PTPRN: variants seen among roughly 807,000 people sequenced by gnomAD.
PTPRN encodes the protein protein tyrosine phosphatase receptor type N.
In PTPRN, 70 loss-of-function variants were observed where a neutral mutation model predicts 108.5. The observed-to-expected ratio is 0.65, with a 90% CI of 0.53 to 0.79. The LOEUF (loss-of-function observed/expected upper bound fraction) is 0.79. Among genes scored for constraint, PTPRN ranks in the 30% least tolerant of loss-of-function variants. The pLI, the probability that PTPRN is intolerant of heterozygous loss-of-function variation, is 0.00. For synonymous variants in PTPRN, 496 were observed against 524.6 expected, an observed-to-expected ratio of 0.95 and a Z score of 0.75; for missense variants, 1,136 against 1,295.5, an observed-to-expected ratio of 0.88 and a Z score of 1.89.
chr2:219,297,861 C>A lies in PTPRN; in HGVS notation c.1887+24G>T. ...CCAGGCCCCTTGCATTTCCTTTGCT[C>A]AATCAGCTTCTGGGGCTGCACACCT... On this transcript the variant is annotated intron_variant, in intron 13 of 22. Coordinates refer to ENST00000295718, the MANE Select transcript of PTPRN (RefSeq NM_002846.4). The surrounding 1 kb of genome is among the most constrained non-coding windows in gnomAD (Gnocchi z 6.0). 6.3e-7 allele frequency: 1 copy of A among 1,581,132 alleles called. No homozygotes were observed. Among genetic ancestry groups the A allele is most frequent in the South Asian group, 1.1e-5 (1 of 87,218 alleles).
At chr2:219,294,256 G>A (rs1952119821) in intron 19 of PTPRN, 1 of 443,154 alleles carries the variant, frequency 2.3e-6, no homozygotes, top group Non-Finnish European at 4.7e-6. Context: ...GGAAAGACAG[G>A]CAGCGGGAGG....
Position 219,301,733 on chromosome 2 carries a change from G to A in PTPRN, c.995-14C>T, listed in dbSNP as rs757946818. On this transcript the variant is annotated splice_polypyrimidine_tract_variant and intron_variant, in intron 6 of 22. Transcript: ENST00000295718. ...GCAGAGCCGCATCTGCTGGGAGCCA[G>A]ACACAGAGCTTAGGGCTGATTGCGC... The A allele has an allele frequency of 3.1e-6, 5 of 1,603,354 alleles. No individual in the cohort carries two copies. Among genetic ancestry groups the A allele is most frequent in the Non-Finnish European group, 4.3e-6 (5 of 1,171,800 alleles).
chr2:219,296,116 G>A lies in PTPRN; in HGVS notation c.2508+110C>T, dbSNP rs1952187603. ...TGAATCATGAGCAGGGCCAATAAAA[G>A]CCTTTTTAAAAAGACTGTTGAGTGC... On this transcript the variant is annotated intron_variant, in intron 18 of 22. Transcript: ENST00000295718. The surrounding 1 kb of genome is among the most constrained non-coding windows in gnomAD (Gnocchi z 6.0). The A allele has an allele frequency of 4.0e-6, 6 of 1,482,716 alleles. No homozygotes were observed. Among genetic ancestry groups the A allele is most frequent in the Admixed American group, 3.8e-5 (2 of 53,316 alleles). The allele number at this position is 1,482,716 out of a possible 1,614,324, so 91.8% of individuals were successfully genotyped here. A position where few individuals can be genotyped will look rare whatever the true frequency, so the allele number is the denominator to read the frequency against.
intron 12 of PTPRN, among the ~76,000 whole-genome samples, chr2:219,298,454 A>G (rs1163223833): frequency 6.6e-6 from 1 of 152,230 alleles, no homozygotes; most frequent in Non-Finnish European, 1.5e-5. Context: ...CTGTAATCTC[A>G]GCACTTTGGG....
At chr2:219,301,148 C>G (rs993642694) in intron 7 of PTPRN, among the ~76,000 whole-genome samples, 171 bp from the exon 8 acceptor site, 1 of 152,204 alleles carries the variant, frequency 6.6e-6, no homozygotes, top group Admixed American at 6.5e-5. Flanking sequence ...GGCCTCATTC[C>G]TTTTTGCTTC....
chr2:219,296,003 C>CACACAA lies in PTPRN; in HGVS notation c.2508+222_2508+223insTTGTGT. 1.7e-6 allele frequency: 1 copy of CACACAA among 578,108 alleles called. No individual in the cohort carries two copies. The highest frequency in any genetic ancestry group is 2.9e-6 in the Non-Finnish European group (1 of 343,298). 35.8% of individuals were successfully genotyped at this position (578,108 alleles called of 1,614,324 possible). On this transcript the variant is annotated intron_variant, in intron 18 of 22. Coordinates refer to ENST00000295718, the MANE Select transcript of PTPRN (RefSeq NM_002846.4). The surrounding 1 kb of genome is among the most constrained non-coding windows in gnomAD (Gnocchi z 6.0). Reference sequence around the variant, plus strand: ...ACACACACACACACACACACACACACATGTATGTTCTGTAAACAGGACACA... The same window carrying CACACAA: ...ACACACACACACACACACACACACACACACAAATGTATGTTCTGTAAACAGGACACA...
rs1199221773 is a variant in PTPRN at position 219,290,910 on chromosome 2, C to T, written c.2730-20G>A. 1 of 1,610,638 alleles carries T rather than the reference C, an allele frequency of 6.2e-7. No homozygotes were observed. Among genetic ancestry groups the T allele is most frequent in the Non-Finnish European group, 8.5e-7 (1 of 1,177,106 alleles). On this transcript the variant is annotated intron_variant, in intron 20 of 22. Transcript: ENST00000295718. The surrounding 1 kb of genome is among the most constrained non-coding windows in gnomAD (Gnocchi z 4.2). Reference sequence around the variant, plus strand: ...CCATCACTGAAACAGGAGTTAGTGACAGGTTTAGCTTGAGATGCAGCAGAA... The same window carrying T: ...CCATCACTGAAACAGGAGTTAGTGATAGGTTTAGCTTGAGATGCAGCAGAA...
intron 19 of PTPRN, among the ~76,000 whole-genome samples, chr2:219,293,347 A>G (rs1415426497): frequency 1.3e-5 from 2 of 151,924 alleles, no homozygotes; most frequent in East Asian, 3.9e-4. Flanking sequence ...TGCCTGGCTA[A>G]TTTTTGTATT....
chr2:219,308,003 A>G, intron 1 of PTPRN, 161 bp from the exon 2 acceptor site: 1 of 667,770 alleles, frequency 1.5e-6, no homozygotes. Context: ...GAATTTCTTA[A>G]AAGGAAGCAT....
Position 219,297,450 on chromosome 2 carries a change from A to G in PTPRN, c.1888-17T>C. On this transcript the variant is annotated splice_polypyrimidine_tract_variant and intron_variant, in intron 13 of 22. Transcript: ENST00000295718. The surrounding 1 kb of genome is among the most constrained non-coding windows in gnomAD (Gnocchi z 6.0). ...GCACAGGTCCTGTGGAGGAAGAATC[A>G]GGTGAGGTCCAAGAGTCCCCTGAAA... The G allele has an allele frequency of 6.2e-7, 1 of 1,613,500 alleles. No homozygotes were observed. The highest frequency in any genetic ancestry group is 2.2e-5 in the East Asian group (1 of 44,868).
At chr2:219,294,889 A>C in intron 19 of PTPRN, 86 bp downstream of exon 19, 1 of 1,308,864 alleles carries the variant, frequency 7.6e-7, no homozygotes, top group Non-Finnish European at 9.9e-7. Flanking sequence ...TCCAGGCCCG[A>C]CCCGGGGCTC....
chr2:219,309,249 G>T lies in PTPRN; in HGVS notation c.84C>A (p.Arg28=), dbSNP rs1372220967. The change falls in exon 1 of 23, where the codon CGC becomes CGA. Residue 28 remains arginine, a synonymous_variant. Transcript: ENST00000295718. ...CACTAACGGCGCTGCAGCCCCCCGG[G>T]CGGCTGCTCAGCAGCAGGAGGCAGA... ...LLLCLLLLSS[R]PGGCSAVSAH... is the part of the protein sequence containing the mutation. 3.9e-6 allele frequency: 6 copies of T among 1,538,478 alleles called. No homozygotes were observed. Among genetic ancestry groups the T allele is most frequent in the Non-Finnish European group, 5.2e-6 (6 of 1,146,476 alleles).
chr2:219,307,495 A>G lies in PTPRN; in HGVS notation c.229T>C (p.Ser77Pro). ...GQARPLLQVT[S>P]PVLQRLQGVL... ...CCTTGTAAGCGTTGGAGAACTGGGG[A>G]GGTGACTTGCAAAAGGGGCCGGGCC... Residue 77 changes from serine to proline, a missense_variant, in exon 3 of 23, where the codon TCC (serine) becomes CCC (proline). Physicochemically the swap from Ser to Pro is moderately conservative, Grantham distance 74 (BLOSUM62 -1). Coordinates refer to ENST00000295718, the MANE Select transcript of PTPRN (RefSeq NM_002846.4). 1 of 1,614,076 alleles carries G rather than the reference A, an allele frequency of 6.2e-7. No homozygotes were observed. Among genetic ancestry groups the G allele is most frequent in the South Asian group, 1.1e-5 (1 of 91,078 alleles).
rs1952032722 is a variant in PTPRN, at chr2:219,290,659, G to C, written c.2795-48C>G. Reference sequence around the variant, plus strand: ...GGCTGCTCAGGGGGTGTCCAGAGGAGGACAGGACCCAGAAAACCTGAGGCC... The same window carrying C: ...GGCTGCTCAGGGGGTGTCCAGAGGACGACAGGACCCAGAAAACCTGAGGCC... On this transcript the variant is annotated intron_variant, in intron 21 of 22. Transcript: ENST00000295718. This position sits in a 1 kb window ranked among gnomAD's most constrained non-coding sequence, Gnocchi z 4.2. 6.6e-7 allele frequency: 1 copy of C among 1,524,330 alleles called. No homozygotes were observed. 94.4% of individuals were successfully genotyped at this position (1,524,330 alleles called of 1,614,324 possible). A position where few individuals can be genotyped will look rare whatever the true frequency, so the allele number is the denominator to read the frequency against.
chr2:219,299,678 C>G (rs924361838), intron 10 of PTPRN, 22 bp downstream of exon 10: 2 of 1,576,254 alleles, frequency 1.3e-6, no homozygotes, highest in Non-Finnish European at 1.7e-6. Flanking sequence ...CGGCCACTGC[C>G]CTAGCAAGAT....
At chr2:219,307,902 G>A (rs536477525) in intron 1 of PTPRN, 60 bp from the exon 2 acceptor site, 7 of 1,533,844 alleles carry the variant, frequency 4.6e-6, no homozygotes, top group East Asian at 2.2e-5. Context: ...GGGCAGATGG[G>A]TGGACAGGCT....
At position 219,290,432 on chromosome 2, in the gene PTPRN, A is replaced by G; in HGVS notation, c.2868+106T>C. On this transcript the variant is annotated intron_variant, in intron 22 of 22. Coordinates refer to ENST00000295718, the MANE Select transcript of PTPRN (RefSeq NM_002846.4). The surrounding 1 kb of genome is among the most constrained non-coding windows in gnomAD (Gnocchi z 4.2). ...AAGGGAGCCCTCCTGGAGGAGGCGC[A>G]GAAGCAGGTGGGAAAGGTTGGCAGC... is the stretch of plus-strand genomic sequence containing the variant. 1 of 1,393,868 alleles carries G rather than the reference A, an allele frequency of 7.2e-7. No individual in the cohort carries two copies. Among genetic ancestry groups the G allele is most frequent in the Non-Finnish European group, 9.9e-7 (1 of 1,006,380 alleles). 86.3% of individuals were successfully genotyped at this position (1,393,868 alleles called of 1,614,324 possible). A position where few individuals can be genotyped will look rare whatever the true frequency, so the allele number is the denominator to read the frequency against.
rs1217997548 is a variant in PTPRN at position 219,299,736 on chromosome 2, T to A, written c.1487A>T (p.His496Leu). ...GAAGCTGCCTGAGGACATGTGCACATGCTCAGCCAGGATCTCCAGCAGCTT... is the reference window on the plus strand; with the variant it reads ...GAAGCTGCCTGAGGACATGTGCACAAGCTCAGCCAGGATCTCCAGCAGCTT... Reference protein sequence around the residue: ...GVKLLEILAEHVHMSSGSFIN... With the variant: ...GVKLLEILAELVHMSSGSFIN... The change falls in exon 10 of 23, where the codon CAT (histidine) becomes CTT (leucine). Residue 496 changes from histidine to leucine, a missense_variant. Transcript: ENST00000295718. The A allele has an allele frequency of 6.2e-7, 1 of 1,609,854 alleles. No homozygotes were observed. Among genetic ancestry groups the A allele is most frequent in the African/African-American group, 1.3e-5 (1 of 74,978 alleles).
intron 11 of PTPRN, 55 bp downstream of exon 11, chr2:219,299,250 C>T: frequency 6.2e-7 from 1 of 1,604,136 alleles, no homozygotes; most frequent in South Asian, 1.1e-5. Flanking sequence ...TGGATATATC[C>T]TCTTAGGAGT....
Sources: allele counts gnomAD v4.1 joint callset (sites outside exome capture counted in the v4.1 genomes callset), GRCh38; gene constraint gnomAD v4.1.1; non-coding constraint Gnocchi (gnomAD v3.1); transcripts MANE v1.5; gene names NCBI Gene and HGNC (gene_info 2026-07-23, HGNC 2026-07-21).